The following ITSN1 variants were observed in gnomAD, a reference collection of about 807,000 sequenced individuals.
ITSN1 encodes intersectin 1.
In ITSN1, 58 loss-of-function variants were observed where a neutral mutation model predicts 239.8. The observed-to-expected ratio is 0.24, with a 90% CI of 0.20 to 0.30. ITSN1 has a LOEUF of 0.30. Ranked by LOEUF, ITSN1 falls within the 10% of genes least tolerant of loss-of-function variation. ITSN1 has a pLI of 1.00. For missense variants in ITSN1, 1,558 were observed against 2,103.3 expected (o/e 0.74, Z 5.07); for synonymous variants, 780 against 770.8 (o/e 1.01, Z -0.20).
At chr21:33,651,287 G>A (rs1208572308) in intron 1 of ITSN1, among the ~76,000 whole-genome samples, 2 of 152,202 alleles carry the variant, frequency 1.3e-5, no homozygotes, top group East Asian at 3.8e-4. Flanking sequence ...AAGCAGGGGA[G>A]TCCCATGATG....
intron 16 of ITSN1, among the ~76,000 whole-genome samples, chr21:33,787,111 TGAC>T (rs371312621): frequency 1.3e-5 from 2 of 152,312 alleles, no homozygotes; most frequent in East Asian, 3.9e-4. Context: ...TCTTTCCTAT[TGAC>T]GAGTTGCGTG....
intron 5 of ITSN1, chr21:33,735,457 A>G (rs969071578): frequency 4.2e-6 from 2 of 471,372 alleles, no homozygotes; most frequent in South Asian, 2.6e-5. Context: ...GAAGAAACTT[A>G]CAGTCCGCTG....
rs1447361223 is a variant in ITSN1 at position 33,895,522 on chromosome 21, CATGTGTGT to C, written c.*7223_*7230del. On this transcript the variant is annotated 3_prime_UTR_variant, in exon 40 of 40. Coordinates refer to ENST00000381318, the MANE Select transcript of ITSN1 (RefSeq NM_003024.3). ...GTGTGCGTGCGCGTGTTTGTGTGTG[CATGTGTGT>C]GTGTCTACGTGTGTGTGCACGCATG... is the stretch of plus-strand genomic sequence containing the variant. 2.5e-5 allele frequency: 2 copies of C among 79,096 alleles called. No individual in the cohort carries two copies. The highest frequency in any genetic ancestry group is 5.2e-5 in the African/African-American group (1 of 19,232). The allele number at this position is 79,096 out of a possible 1,614,324, so 4.9% of individuals were successfully genotyped here.
At position 33,892,070 on chromosome 21, in the gene ITSN1, G is replaced by T. The variant is rs8133262; in HGVS notation, c.*3770G>T. ...GATGTAACAGGGTCATTTTGGGCTC[G>T]AGGTGAGTGTGCAATTAGCAGCAGG... On this transcript the variant is annotated 3_prime_UTR_variant, in exon 40 of 40. Coordinates refer to ENST00000381318, the MANE Select transcript of ITSN1 (RefSeq NM_003024.3). 0.015 allele frequency: 2,312 copies of T among 152,304 alleles called. 56 individuals are homozygous for T. Among genetic ancestry groups the T allele is most frequent in the African/African-American group, 0.053 (2,193 of 41,546 alleles). 9.4% of individuals were successfully genotyped at this position (152,304 alleles called of 1,614,324 possible).
At chr21:33,670,756 G>A (rs1411733098) in intron 1 of ITSN1, among the ~76,000 whole-genome samples, 2 of 152,188 alleles carry the variant, frequency 1.3e-5, no homozygotes, top group Non-Finnish European at 2.9e-5. Flanking sequence ...AGTTCAGTGT[G>A]TCAGTGTTGT....
intron 27 of ITSN1, 129 bp from the exon 28 acceptor site, chr21:33,834,178 A>G (rs779018468): frequency 1.7e-5 from 11 of 666,450 alleles, no homozygotes; most frequent in Non-Finnish European, 2.9e-5. Context: ...AGTAATCCAT[A>G]GATTTTACCG....
At chr21:33,746,392 A>G (rs986397252) in intron 5 of ITSN1, among the ~76,000 whole-genome samples, 23 of 152,242 alleles carry the variant, frequency 1.5e-4, no homozygotes, top group Admixed American at 9.2e-4. Flanking sequence ...CATTTAGCAG[A>G]CAAAGGCTTC....
intron 9 of ITSN1, among the ~76,000 whole-genome samples, chr21:33,764,982 G>T (rs1164382709): frequency 6.6e-6 from 1 of 152,242 alleles, no homozygotes; most frequent in Non-Finnish European, 1.5e-5. Context: ...TGTAGGCCTA[G>T]ATTAAGGGGT....
intron 1 of ITSN1, among the ~76,000 whole-genome samples, chr21:33,669,290 C>T (rs1208717283): frequency 6.6e-6 from 1 of 152,082 alleles, no homozygotes; most frequent in Non-Finnish European, 1.5e-5. Context: ...ACCACATTGG[C>T]CAGGCTGGTC....
At chr21:33,730,563 G>C (rs2066116687) in intron 4 of ITSN1, among the ~76,000 whole-genome samples, 2 of 151,478 alleles carry the variant, frequency 1.3e-5, no homozygotes, top group African/African-American at 2.4e-5. Flanking sequence ...ACCATGCCCA[G>C]CTAATTTTTT....
chr21:33,691,289 T>C (rs1010522315), intron 1 of ITSN1, among the ~76,000 whole-genome samples: 1 of 152,210 alleles, frequency 6.6e-6, no homozygotes, highest in African/African-American at 2.4e-5. Context: ...AACATTAATT[T>C]TGTTACATTT....
chr21:33,694,155 A>T (rs1168653623), intron 1 of ITSN1, among the ~76,000 whole-genome samples: 1 of 152,208 alleles, frequency 6.6e-6, no homozygotes, highest in Non-Finnish European at 1.5e-5. Flanking sequence ...CTGGAACTAC[A>T]GGCATGTGCT....
At chr21:33,683,575 G>A (rs903828221) in intron 1 of ITSN1, among the ~76,000 whole-genome samples, 3 of 152,094 alleles carry the variant, frequency 2.0e-5, no homozygotes, top group Admixed American at 2.0e-4. Context: ...CCCTGCTGAG[G>A]TGAATGTGTG....
chr21:33,732,029 G>A (rs996224817), intron 4 of ITSN1, among the ~76,000 whole-genome samples: 1 of 152,074 alleles, frequency 6.6e-6, no homozygotes, highest in Admixed American at 6.6e-5. Context: ...TGGGACAACT[G>A]GAAGCAGAGG....
intron 5 of ITSN1, among the ~76,000 whole-genome samples, chr21:33,735,824 G>A (rs748200168): frequency 1.3e-5 from 2 of 151,920 alleles, no homozygotes; most frequent in Admixed American, 1.3e-4. Flanking sequence ...TCAACATGGC[G>A]AAATCCCATC....
intron 16 of ITSN1, among the ~76,000 whole-genome samples, chr21:33,783,598 A>G (rs1010100502): frequency 9.9e-5 from 15 of 152,142 alleles, no homozygotes; most frequent in Non-Finnish European, 1.9e-4. Context: ...CATCTCTAGA[A>G]TAAGTGCAAT....
At chr21:33,645,445 AGCTTGGGCAACACAG>A (rs547469395) in intron 1 of ITSN1, among the ~76,000 whole-genome samples, 66 of 152,282 alleles carry the variant, frequency 4.3e-4, no homozygotes, top group African/African-American at 1.4e-3. Context: ...ATTTGAGACC[AGCTTGGGCAACACAG>A]GGAAACCTGG....
intron 20 of ITSN1, among the ~76,000 whole-genome samples, chr21:33,804,271 T>G (rs1882579566): frequency 6.6e-6 from 1 of 152,216 alleles, no homozygotes. Flanking sequence ...TATTTTGTTT[T>G]TAGAAAAACT....
chr21:33,864,588 TAA>T (rs1981237281), intron 31 of ITSN1, among the ~76,000 whole-genome samples: 1 of 152,206 alleles, frequency 6.6e-6, no homozygotes, highest in Non-Finnish European at 1.5e-5. Flanking sequence ...GAACTCCTCT[TAA>T]TTTAGTTAAC....
Sources: allele counts gnomAD v4.1 joint callset (sites outside exome capture counted in the v4.1 genomes callset), GRCh38; gene constraint gnomAD v4.1.1; transcripts MANE v1.5; gene names NCBI Gene and HGNC (gene_info 2026-07-23, HGNC 2026-07-21).